The following NCALD variants were observed in gnomAD, a reference collection of about 807,000 sequenced individuals.
The protein encoded by NCALD is neurocalcin-delta.
Under a neutral mutation model 18.6 loss-of-function variants are expected in NCALD, and 10 were observed. The observed-to-expected ratio is 0.54, with a 90% CI of 0.33 to 0.91. The LOEUF is 0.91. Ranked by LOEUF, NCALD falls within the 40% of genes least tolerant of loss-of-function variation. NCALD has a pLI of 0.03. For synonymous variants in NCALD, 88 were observed against 87.4 expected, an observed-to-expected ratio of 1.01 and a Z score of -0.04; for missense variants, 184 against 247.6, an observed-to-expected ratio of 0.74 and a Z score of 1.72.
chr8:101,904,288 G>A (rs1272635290), intron 3 of NCALD, among the ~76,000 whole-genome samples: 1 of 152,042 alleles, frequency 6.6e-6, no homozygotes, highest in South Asian at 2.1e-4. Flanking sequence ...TTCAGCCTGA[G>A]TTCCCCCGCC....
chr8:101,973,213 T>C (rs1207032995), intron 2 of NCALD, among the ~76,000 whole-genome samples: 2 of 152,184 alleles, frequency 1.3e-5, no homozygotes, highest in African/African-American at 4.8e-5. Flanking sequence ...ATATCCTTTT[T>C]CCATCCCAGG....
intron 1 of NCALD, among the ~76,000 whole-genome samples, chr8:102,100,641 GA>G (rs1825244278): frequency 6.6e-6 from 1 of 152,216 alleles, no homozygotes; most frequent in African/African-American, 2.4e-5. Flanking sequence ...CCAATAGGTG[GA>G]AGGAACCCAA....
intron 2 of NCALD, among the ~76,000 whole-genome samples, chr8:102,008,663 C>T (rs1307573684): frequency 6.6e-6 from 1 of 152,002 alleles, no homozygotes; most frequent in African/African-American, 2.4e-5. Flanking sequence ...TAAACTCACC[C>T]TTATTTTCCT....
intron 4 of NCALD, among the ~76,000 whole-genome samples, chr8:101,848,867 C>T (rs1298282655): frequency 6.6e-6 from 1 of 152,068 alleles, no homozygotes; most frequent in East Asian, 1.9e-4. Flanking sequence ...TGGGTATATA[C>T]CCAAAGGAAT....
intron 1 of NCALD, among the ~76,000 whole-genome samples, chr8:102,085,006 T>C (rs1587050512): frequency 6.6e-6 from 1 of 152,126 alleles, no homozygotes; most frequent in South Asian, 2.1e-4. Flanking sequence ...AATCTGCAGG[T>C]GTCCGTATCT....
intron 4 of NCALD, among the ~76,000 whole-genome samples, chr8:101,877,174 A>G (rs1202803880): frequency 6.6e-6 from 1 of 152,252 alleles, no homozygotes; most frequent in Non-Finnish European, 1.5e-5. Flanking sequence ...AGTAAAACGC[A>G]TCTACAAATA....
intron 2 of NCALD, among the ~76,000 whole-genome samples, chr8:101,941,846 G>T (rs570052486): frequency 3.5e-4 from 53 of 152,274 alleles, no homozygotes; most frequent in African/African-American, 1.2e-3. Context: ...AAGCCAAATG[G>T]CTTCAAATTA....
chr8:101,825,659 C>T (rs1403595307), intron 4 of NCALD, among the ~76,000 whole-genome samples: 1 of 152,218 alleles, frequency 6.6e-6, no homozygotes, highest in African/African-American at 2.4e-5. Flanking sequence ...TCAGTCCTCT[C>T]AGTACCTTCC....
chr8:102,037,407 A>G (rs1822906487), intron 1 of NCALD, among the ~76,000 whole-genome samples: 1 of 152,176 alleles, frequency 6.6e-6, no homozygotes. Context: ...ATTTAAGAAC[A>G]TGTTAAAAAT....
intron 1 of NCALD, among the ~76,000 whole-genome samples, chr8:101,770,772 C>T (rs1010186355): frequency 6.6e-6 from 1 of 152,170 alleles, no homozygotes; most frequent in South Asian, 2.1e-4. Context: ...TTATTTTCAA[C>T]ACAGTGATTT....
At chr8:101,887,524 G>C (rs1449809208) in intron 3 of NCALD, among the ~76,000 whole-genome samples, 1 of 152,110 alleles carries the variant, frequency 6.6e-6, no homozygotes, top group Non-Finnish European at 1.5e-5. Flanking sequence ...TTATTACAGG[G>C]AGAAACAGGC....
intron 1 of NCALD, among the ~76,000 whole-genome samples, chr8:101,760,377 A>C (rs929746431): frequency 2.0e-5 from 3 of 152,176 alleles, no homozygotes; most frequent in African/African-American, 7.2e-5. Context: ...CAGAGCAAGC[A>C]AGAAGAAAAG....
chr8:101,981,213 T>A (rs1235475092), intron 2 of NCALD, among the ~76,000 whole-genome samples: 1 of 152,228 alleles, frequency 6.6e-6, no homozygotes, highest in African/African-American at 2.4e-5. Flanking sequence ...CAGGTTTCCT[T>A]AGTGCCTATT....
At chr8:101,841,376 C>T (rs891750858) in intron 4 of NCALD, among the ~76,000 whole-genome samples, 5 of 152,208 alleles carry the variant, frequency 3.3e-5, no homozygotes, top group Non-Finnish European at 5.9e-5. Context: ...TTCCCTTCCT[C>T]TAACACAGGG....
At position 102,080,615 on chromosome 8, in the gene NCALD, T is replaced by C. The variant is rs368425052; in HGVS notation, c.-210+43622A>G. ...CAAAGAGAAAGCCTTAGGAGATTCA[T>C]TTTACTCAGAAGGAAGGCTCTCAAA... is the stretch of plus-strand genomic sequence containing the variant. On this transcript the variant is annotated intron_variant, in intron 1 of 6. Transcript: ENST00000311028. 1.4e-4 allele frequency among the ~76,000 whole-genome samples: 22 copies of C among 152,188 alleles called. 1 individual carries two copies. The East Asian group carries it at 3.5e-3, about 24-fold the overall frequency.
chr8:102,027,365 A>G (rs898560228), intron 1 of NCALD, among the ~76,000 whole-genome samples: 1 of 152,144 alleles, frequency 6.6e-6, no homozygotes, highest in Non-Finnish European at 1.5e-5. Context: ...CTCAAGTTCA[A>G]AGTTCCACAG....
At chr8:102,036,582 T>G (rs7817714) in intron 1 of NCALD, among the ~76,000 whole-genome samples, 1 of 151,714 alleles carries the variant, frequency 6.6e-6, no homozygotes, top group Admixed American at 6.6e-5. Flanking sequence ...TGAGACCAGC[T>G]TGGCTAACAT....
intron 2 of NCALD, 166 bp from the exon 3 acceptor site, chr8:101,693,062 G>A: frequency 1.9e-6 from 1 of 530,428 alleles, no homozygotes; most frequent in Non-Finnish European, 3.4e-6. Context: ...GGTAGAAGAA[G>A]CCGGGCCCAC....
chr8:101,756,806 G>A (rs1810900695), intron 1 of NCALD, among the ~76,000 whole-genome samples: 1 of 152,164 alleles, frequency 6.6e-6, no homozygotes, highest in Admixed American at 6.5e-5. Flanking sequence ...TGTATGTCTT[G>A]TTTTGCAATT....
Sources: allele counts gnomAD v4.1 joint callset (sites outside exome capture counted in the v4.1 genomes callset), GRCh38; gene constraint gnomAD v4.1.1; transcripts MANE v1.5; gene names NCBI Gene and HGNC (gene_info 2026-07-23, HGNC 2026-07-21).